Variants in SOX5 observed in about 807,000 individuals in gnomAD.
SOX5 encodes the protein SRY-box transcription factor 5, also known as transcription factor SOX-5.
A neutral mutation model predicts 92.0 loss-of-function variants in SOX5; 9 were observed. The ratio of observed to expected loss-of-function variants is 0.10; its 90% CI spans 0.06 to 0.17. The LOEUF (loss-of-function observed/expected upper bound fraction) is 0.17, where lower values mean the gene tolerates loss of function less well. Ranked by LOEUF, SOX5 falls within the 10% of genes least tolerant of loss-of-function variation. The probability of loss-of-function intolerance (pLI) is 1.00; values close to 1 mark genes in which losing one functional copy is unlikely to be tolerated. For synonymous variants in SOX5, 344 were observed against 336.3 expected (o/e 1.02, Z -0.25); for missense variants, 642 against 944.5 (o/e 0.68, Z 4.20).
chr12:24,553,707 T>C (rs1412255871), intron 1 of SOX5, among the ~76,000 whole-genome samples: 2 of 152,136 alleles, frequency 1.3e-5, no homozygotes, highest in Admixed American at 6.5e-5. Flanking sequence ...AGTGGTGCCA[T>C]GAGAATAGAG....
intron 1 of SOX5, among the ~76,000 whole-genome samples, chr12:23,907,808 C>T (rs1359895044): frequency 2.0e-5 from 3 of 151,978 alleles, no homozygotes; most frequent in Non-Finnish European, 2.9e-5. Context: ...ATACTGCATC[C>T]TCTATAAAAA....
intron 6 of SOX5, among the ~76,000 whole-genome samples, chr12:23,702,011 G>C (rs577067362): frequency 1.3e-5 from 2 of 152,084 alleles, no homozygotes; most frequent in African/African-American, 4.8e-5. Context: ...CGATGCTAGG[G>C]CTAAAATATG....
chr12:24,020,573 C>G lies in SOX5; in HGVS notation c.-1-124549G>C, dbSNP rs78682270. ...CGGCCTTAATTAAAAAAGACACAAG[C>G]TGCGGAGCTGTGAATTAGAAATGTA... On this transcript the variant is annotated intron_variant, in intron 4 of 4. Transcript: ENST00000446891. Among the ~76,000 whole-genome samples, 659 of 152,282 alleles carry G rather than the reference C, an allele frequency of 4.3e-3. 4 individuals carry two copies. The highest frequency in any genetic ancestry group is 0.01 in the Middle Eastern group (3 of 294).
intron 2 of SOX5, among the ~76,000 whole-genome samples, chr12:23,862,252 G>C (rs2096764484): frequency 6.6e-6 from 1 of 152,086 alleles, no homozygotes; most frequent in Non-Finnish European, 1.5e-5. Context: ...TCAGTGGAAG[G>C]GAAAAGCTGT....
chr12:24,414,037 T>C (rs753088832), intron 1 of SOX5, among the ~76,000 whole-genome samples: 9 of 152,232 alleles, frequency 5.9e-5, no homozygotes, highest in African/African-American at 1.4e-4. Flanking sequence ...CTTTTAGTCA[T>C]GAAGTCTTCT....
At chr12:23,605,945 G>T (rs954303634) in intron 8 of SOX5, among the ~76,000 whole-genome samples, 3 of 151,768 alleles carry the variant, frequency 2.0e-5, no homozygotes, top group African/African-American at 4.8e-5. Flanking sequence ...TTATGTGTTG[G>T]AATAATTACA....
chr12:23,537,832 G>A (rs570680584), intron 13 of SOX5, among the ~76,000 whole-genome samples: 39 of 152,248 alleles, frequency 2.6e-4, no homozygotes, highest in African/African-American at 8.7e-4. Context: ...ATGAAGCTGC[G>A]GACCCTCGCG....
intron 2 of SOX5, among the ~76,000 whole-genome samples, chr12:24,315,061 CAA>C: frequency 6.6e-6 from 1 of 152,176 alleles, no homozygotes. Context: ...TAGCAAGGAA[CAA>C]AGTCTTAACA....
intron 1 of SOX5, among the ~76,000 whole-genome samples, chr12:23,917,287 T>C (rs139977440): frequency 1.3e-5 from 2 of 152,152 alleles, no homozygotes; most frequent in African/African-American, 4.8e-5. Context: ...ATGTCTGTAA[T>C]CCTAGCACTT....
intron 3 of SOX5, among the ~76,000 whole-genome samples, chr12:24,255,093 A>T (rs1940916206): frequency 6.6e-6 from 1 of 152,168 alleles, no homozygotes; most frequent in Non-Finnish European, 1.5e-5. Flanking sequence ...GGTAGATAAT[A>T]GCCTAAATCA....
At chr12:24,270,072 C>T (rs12823268) in intron 3 of SOX5, among the ~76,000 whole-genome samples, 23,635 of 151,066 alleles carry the variant, frequency 0.16, 2,207 homozygotes, top group South Asian at 0.23. Context: ...AACTCTTTTT[C>T]TTTTTTTGAG....
At chr12:24,271,727 T>G (rs1012367769) in intron 3 of SOX5, among the ~76,000 whole-genome samples, 8 of 152,144 alleles carry the variant, frequency 5.3e-5, no homozygotes, top group African/African-American at 1.9e-4. Flanking sequence ...GTATTAAAAA[T>G]TTATTTCTCC....
chr12:24,111,137 T>C (rs1214835726), intron 4 of SOX5, among the ~76,000 whole-genome samples: 1 of 151,604 alleles, frequency 6.6e-6, no homozygotes, highest in Non-Finnish European at 1.5e-5. Context: ...AGCAAAAATG[T>C]CTCCAGACAT....
At chr12:24,402,568 G>A (rs999215917) in intron 1 of SOX5, among the ~76,000 whole-genome samples, 3 of 152,118 alleles carry the variant, frequency 2.0e-5, no homozygotes, top group Non-Finnish European at 4.4e-5. Context: ...CTGCATTTAG[G>A]AGGTTCTAAA....
At chr12:24,418,006 T>C (rs540399644) in intron 1 of SOX5, among the ~76,000 whole-genome samples, 5 of 152,072 alleles carry the variant, frequency 3.3e-5, no homozygotes, top group South Asian at 4.1e-4. Context: ...ATTCTAAAAA[T>C]AATAAAAAAT....
intron 6 of SOX5, among the ~76,000 whole-genome samples, chr12:23,715,676 T>C (rs1463742937): frequency 6.6e-6 from 1 of 152,170 alleles, no homozygotes. Context: ...ACGCCAGTTG[T>C]GGCGAAGCAA....
At chr12:24,424,970 C>CGAT (rs1325079725) in intron 1 of SOX5, among the ~76,000 whole-genome samples, 1 of 151,862 alleles carries the variant, frequency 6.6e-6, no homozygotes, top group Non-Finnish European at 1.5e-5. Flanking sequence ...ATAATCAGTA[C>CGAT]GATAAGTGGC....
chr12:23,995,265 T>C (rs1234400150), intron 4 of SOX5, among the ~76,000 whole-genome samples: 3 of 152,182 alleles, frequency 2.0e-5, no homozygotes, highest in Non-Finnish European at 4.4e-5. Flanking sequence ...GCAAGATAGA[T>C]TATGACTCTA....
chr12:23,606,758 T>C (rs138804900), intron 8 of SOX5, among the ~76,000 whole-genome samples: 116 of 151,396 alleles, frequency 7.7e-4, no homozygotes, highest in Middle Eastern at 6.8e-3. Context: ...ATAAAAGTTA[T>C]ACATATACTT....
Sources: allele counts gnomAD v4.1 joint callset (sites outside exome capture counted in the v4.1 genomes callset), GRCh38; gene constraint gnomAD v4.1.1; transcripts MANE v1.5; gene names NCBI Gene and HGNC (gene_info 2026-07-23, HGNC 2026-07-21).